DSCAM: variants seen among roughly 807,000 people sequenced by gnomAD.
DSCAM encodes DS cell adhesion molecule, also known as cell adhesion molecule DSCAM.
In DSCAM, 47 loss-of-function variants were observed where a neutral mutation model predicts 217.7. The observed-to-expected ratio is 0.22, with a 90% CI of 0.17 to 0.28. The LOEUF (loss-of-function observed/expected upper bound fraction) is 0.28, where lower values mean the gene tolerates loss of function less well. DSCAM is among the 10% of genes least tolerant of loss of function. The pLI is 1.00. For synonymous variants in DSCAM, 1,056 were observed against 1,015.3 expected, an observed-to-expected ratio of 1.04 and a Z score of -0.76; for missense variants, 2,080 against 2,618.3, an observed-to-expected ratio of 0.79 and a Z score of 4.49.
chr21:40,078,632 C>A, intron 26 of DSCAM, 55 bp downstream of exon 26: 1 of 1,577,098 alleles, frequency 6.3e-7, no homozygotes, highest in Non-Finnish European at 8.6e-7. Flanking sequence ...GGGCAGGGCC[C>A]ACGTGCACAT....
chr21:40,111,852 A>G (rs529415009), intron 20 of DSCAM, among the ~76,000 whole-genome samples: 92 of 152,180 alleles, frequency 6.0e-4, no homozygotes, highest in African/African-American at 2.0e-3. Flanking sequence ...GATCAATTCA[A>G]CAAGAAGAGC....
intron 11 of DSCAM, among the ~76,000 whole-genome samples, chr21:40,214,904 G>C (rs781616221): frequency 6.6e-6 from 1 of 151,996 alleles, no homozygotes; most frequent in East Asian, 1.9e-4. Context: ...AAAGACACCT[G>C]TACACATGTT....
rs565762245 is a variant in DSCAM, at chr21:40,396,769, A to G, written c.509-27524T>C. On this transcript the variant is annotated intron_variant, in intron 3 of 32. Transcript: ENST00000400454. ...CAGCTACTACAACTGATGCTGGCCCAACTGTCCTATAGAATTAATGTTTAT... is the reference window on the plus strand; with the variant it reads ...CAGCTACTACAACTGATGCTGGCCCGACTGTCCTATAGAATTAATGTTTAT... 2.6e-5 allele frequency among the ~76,000 whole-genome samples: 4 copies of G among 152,290 alleles called. 1 individual carries two copies. The highest frequency in any genetic ancestry group is 2.1e-4 in the South Asian group (1 of 4,824).
rs185385828 is a variant in DSCAM, at chr21:40,693,649, C to T, written c.362-693G>A. On this transcript the variant is annotated intron_variant, in intron 2 of 32. Coordinates refer to ENST00000400454, the MANE Select transcript of DSCAM (RefSeq NM_001389.5). ...CAGGCAAGGCAATTTTTCTGGGAAG[C>T]CTTGAGAACTCTGAGACAATTAAAA... 5.4e-4 allele frequency among the ~76,000 whole-genome samples: 82 copies of T among 152,090 alleles called. 1 individual carries two copies. The highest frequency in any genetic ancestry group is 4.4e-5 in the Non-Finnish European group (3 of 67,982).
chr21:40,717,706 C>A (rs534340799), intron 1 of DSCAM, among the ~76,000 whole-genome samples: 1 of 152,294 alleles, frequency 6.6e-6, no homozygotes, highest in African/African-American at 2.4e-5. Flanking sequence ...GTGATGAAAA[C>A]CTGCTAAAAT....
chr21:40,129,201 C>T (rs1470017710), intron 19 of DSCAM, among the ~76,000 whole-genome samples: 1 of 152,154 alleles, frequency 6.6e-6, no homozygotes, highest in Non-Finnish European at 1.5e-5. Context: ...GAACCCACAA[C>T]TTTTCAGTGG....
intron 1 of DSCAM, among the ~76,000 whole-genome samples, chr21:40,838,140 A>G (rs1216946365): frequency 6.6e-6 from 1 of 152,236 alleles, no homozygotes; most frequent in Non-Finnish European, 1.5e-5. Context: ...TTAAATTAAA[A>G]TATACATAGA....
intron 3 of DSCAM, among the ~76,000 whole-genome samples, chr21:40,518,703 T>TAC (rs1343412823): frequency 6.9e-6 from 1 of 144,328 alleles, no homozygotes; most frequent in Non-Finnish European, 1.5e-5. Flanking sequence ...TATATATATA[T>TAC]ACACACACAC....
At chr21:40,519,899 C>T (rs1257203926) in intron 3 of DSCAM, among the ~76,000 whole-genome samples, 1 of 151,316 alleles carries the variant, frequency 6.6e-6, no homozygotes, top group African/African-American at 2.4e-5. Flanking sequence ...TATAAAATAC[C>T]CTGTTGATTA....
chr21:40,298,233 A>G lies in DSCAM; in HGVS notation c.2063-2059T>C, dbSNP rs1267423314. ...GTAGCTGGGATTACAGGTGCCTGCC[A>G]TCACGCCCAGGTAATTTTTTTGTAT... On this transcript the variant is annotated intron_variant, in intron 9 of 32. Transcript: ENST00000400454. Among the ~76,000 whole-genome samples, 16 of 152,076 alleles carry G rather than the reference A, an allele frequency of 1.1e-4. No homozygotes were observed. The East Asian group carries it at 2.5e-3, about 24-fold the overall frequency.
chr21:40,563,141 G>T (rs1309605206), intron 3 of DSCAM, among the ~76,000 whole-genome samples: 2 of 151,998 alleles, frequency 1.3e-5, no homozygotes, highest in Non-Finnish European at 2.9e-5. Context: ...AAAACTGCCA[G>T]TGTGTTCTTG....
At chr21:40,610,750 T>C (rs1263789003) in intron 3 of DSCAM, among the ~76,000 whole-genome samples, 3 of 152,170 alleles carry the variant, frequency 2.0e-5, no homozygotes, top group Non-Finnish European at 4.4e-5. Flanking sequence ...GGGAGGTGAA[T>C]ATCCAAGGTC....
At chr21:40,468,873 G>C (rs2145963369) in intron 3 of DSCAM, among the ~76,000 whole-genome samples, 1 of 152,272 alleles carries the variant, frequency 6.6e-6, no homozygotes, top group Non-Finnish European at 1.5e-5. Flanking sequence ...CAGGAGGTCT[G>C]TTTGAACAGT....
chr21:40,483,952 T>C (rs1364527903), intron 3 of DSCAM, among the ~76,000 whole-genome samples: 1 of 152,214 alleles, frequency 6.6e-6, no homozygotes, highest in Admixed American at 6.5e-5. Context: ...GTATTTTTAA[T>C]TTTTCTGAGA....
At chr21:40,250,845 A>C (rs896146410) in intron 11 of DSCAM, among the ~76,000 whole-genome samples, 1 of 152,198 alleles carries the variant, frequency 6.6e-6, no homozygotes, top group African/African-American at 2.4e-5. Flanking sequence ...TCAAGATTTG[A>C]ATGGGAAAAG....
chr21:40,033,540 G>C (rs2088572555), intron 32 of DSCAM, among the ~76,000 whole-genome samples: 1 of 151,548 alleles, frequency 6.6e-6, no homozygotes, highest in Admixed American at 6.6e-5. Context: ...ACTGAGTCTT[G>C]CTGATTGCTA....
intron 3 of DSCAM, among the ~76,000 whole-genome samples, chr21:40,370,627 G>GTT (rs11292031): frequency 3.4e-5 from 5 of 146,388 alleles, no homozygotes; most frequent in African/African-American, 9.9e-5. Flanking sequence ...ATGGTTTATG[G>GTT]TTTTTTTTTT....
intron 3 of DSCAM, among the ~76,000 whole-genome samples, chr21:40,638,030 A>G (rs1213567220): frequency 6.6e-6 from 1 of 152,118 alleles, no homozygotes; most frequent in African/African-American, 2.4e-5. Context: ...TATTAAAATG[A>G]TATCAGCATT....
intron 11 of DSCAM, among the ~76,000 whole-genome samples, chr21:40,220,258 T>C (rs1008064339): frequency 2.0e-5 from 3 of 152,074 alleles, no homozygotes; most frequent in African/African-American, 7.2e-5. Context: ...GCTACCTCTT[T>C]CTCCATGAAC....
Sources: allele counts gnomAD v4.1 joint callset (sites outside exome capture counted in the v4.1 genomes callset), GRCh38; gene constraint gnomAD v4.1.1; transcripts MANE v1.5; gene names NCBI Gene and HGNC (gene_info 2026-07-23, HGNC 2026-07-21).